Variants in QKI observed in about 807,000 individuals in gnomAD.
QKI encodes QKI, KH domain containing RNA binding.
A neutral mutation model predicts 39.0 loss-of-function variants in QKI; 10 were observed. The ratio of observed to expected loss-of-function variants is 0.26; its 90% CI spans 0.16 to 0.43. The LOEUF (loss-of-function observed/expected upper bound fraction) is 0.43. Ranked by LOEUF, QKI falls within the 20% of genes least tolerant of loss-of-function variation. The probability of loss-of-function intolerance (pLI) is 1.00; values close to 1 mark genes in which losing one functional copy is unlikely to be tolerated. For missense variants in QKI, 218 were observed against 428.0 expected, an observed-to-expected ratio of 0.51 and a Z score of 4.33; for synonymous variants, 204 against 155.4, an observed-to-expected ratio of 1.31 and a Z score of -2.33.
intron 3 of QKI, among the ~76,000 whole-genome samples, chr6:163,511,207 T>TG: frequency 6.6e-6 from 1 of 152,278 alleles, no homozygotes; most frequent in South Asian, 2.1e-4. Flanking sequence ...AAATGCAAGA[T>TG]AACAATTTAT....
At chr6:163,421,746 T>A (rs187076179) in intron 1 of QKI, among the ~76,000 whole-genome samples, 4 of 151,990 alleles carry the variant, frequency 2.6e-5, no homozygotes, top group South Asian at 2.1e-4. Flanking sequence ...TTTATTTCTT[T>A]TTTCTTTTTT....
At chr6:163,538,147 G>A (rs115150784) in intron 4 of QKI, among the ~76,000 whole-genome samples, 4,225 of 152,250 alleles carry the variant, frequency 0.028, 190 homozygotes, top group African/African-American at 0.096. Flanking sequence ...TTAATTGAAT[G>A]CCTGCTGTAG....
chr6:163,497,633 G>T (rs1778494017), intron 3 of QKI, among the ~76,000 whole-genome samples: 2 of 79,510 alleles, frequency 2.5e-5, no homozygotes, highest in African/African-American at 3.4e-5. Context: ...AGTAGATATT[G>T]TTTGTTAAAA....
intron 6 of QKI, 118 bp from the exon 7 acceptor site, chr6:163,566,603 T>C: frequency 6.5e-7 from 1 of 1,538,622 alleles, no homozygotes; most frequent in East Asian, 2.5e-5. Context: ...TTAACGTGTT[T>C]CTTAAACTTT....
At chr6:163,478,954 C>T (rs980600750) in intron 3 of QKI, 58 bp downstream of exon 3, 16 of 1,341,440 alleles carry the variant, frequency 1.2e-5, no homozygotes, top group Non-Finnish European at 1.4e-5. Context: ...ACTTTTACAT[C>T]GTAATAATAA....
intron 3 of QKI, among the ~76,000 whole-genome samples, chr6:163,493,425 A>C (rs1614795): frequency 6.6e-6 from 1 of 152,108 alleles, no homozygotes; most frequent in Non-Finnish European, 1.5e-5. Context: ...CACCGTGCCC[A>C]GCCTACAATA....
intron 2 of QKI, among the ~76,000 whole-genome samples, chr6:163,469,937 A>G (rs1253405803): frequency 6.6e-6 from 1 of 152,200 alleles, no homozygotes; most frequent in Admixed American, 6.5e-5. Context: ...TTAAAAAGCA[A>G]CTGCTCAAAA....
intron 4 of QKI, among the ~76,000 whole-genome samples, chr6:163,555,208 G>A (rs1419562296): frequency 6.6e-6 from 1 of 151,896 alleles, no homozygotes; most frequent in East Asian, 1.9e-4. Context: ...ATTCATTTTT[G>A]CAAGGCTTTG....
intron 3 of QKI, among the ~76,000 whole-genome samples, chr6:163,487,005 G>A (rs1334898348): frequency 6.6e-6 from 1 of 152,148 alleles, no homozygotes; most frequent in African/African-American, 2.4e-5. Context: ...TATGAAATAT[G>A]TTACTGCTGT....
At chr6:163,494,435 C>T (rs1735305260) in intron 3 of QKI, among the ~76,000 whole-genome samples, 1 of 152,140 alleles carries the variant, frequency 6.6e-6, no homozygotes, top group South Asian at 2.1e-4. Flanking sequence ...GGAAGTTCAC[C>T]TACTTGCTGA....
chr6:163,482,164 G>A (rs1793120966), intron 3 of QKI, among the ~76,000 whole-genome samples: 1 of 152,078 alleles, frequency 6.6e-6, no homozygotes, highest in South Asian at 2.1e-4. Flanking sequence ...CAGCTTGGGT[G>A]ACAGAACGAG....
intron 1 of QKI, among the ~76,000 whole-genome samples, chr6:163,448,565 T>C (rs1418424987): frequency 6.8e-6 from 1 of 146,156 alleles, no homozygotes; most frequent in Non-Finnish European, 1.5e-5. Context: ...CCGTGTCTAC[T>C]AAAAAAAAAA....
In QKI at chr6:163,478,773, T is replaced by C. The variant is rs1236105942; in HGVS notation, c.286-7T>C. The C allele has an allele frequency of 1.9e-6, 3 of 1,569,538 alleles. No homozygotes were observed. The highest frequency in any genetic ancestry group is 2.6e-6 in the Non-Finnish European group (3 of 1,151,836). Reference sequence around the variant, plus strand: ...AATGTATAGTGATCCTTTTTTTTTTTTCTCAGTTTAATTTTGTTGGGAGAA... The same window carrying C: ...AATGTATAGTGATCCTTTTTTTTTTCTCTCAGTTTAATTTTGTTGGGAGAA... On this transcript the variant is annotated splice_polypyrimidine_tract_variant and splice_region_variant and intron_variant, in intron 2 of 7. Coordinates refer to ENST00000361752, the MANE Select transcript of QKI (RefSeq NM_006775.3).
chr6:163,426,466 G>T lies in QKI; in HGVS notation c.142+11131G>T, dbSNP rs146711107. Among the ~76,000 whole-genome samples the T allele has an allele frequency of 1.6e-4, 24 of 152,260 alleles. No homozygotes were observed. The East Asian group carries it at 4.4e-3, about 28-fold the overall frequency. On this transcript the variant is annotated intron_variant, in intron 1 of 7. Transcript: ENST00000361752. The stretch of plus-strand genomic sequence containing the variant: ...TAAGGAAAGATTGATACCTGGATTA[G>T]AGTGGTGATAGATGGATCCTTGTAC...
chr6:163,415,284 C>G lies in QKI; in HGVS notation c.91C>G (p.Leu31Val). 6.3e-7 allele frequency: 1 copy of G among 1,595,492 alleles called. No homozygotes were observed. Among genetic ancestry groups the G allele is most frequent in the South Asian group, 1.1e-5 (1 of 90,174 alleles). The part of the protein sequence containing the change: ...LMNDKKLMSS[L>V]PNFCGIFNHL... ...GAACGACAAGAAGCTCATGAGCAGCCTGCCCAACTTCTGCGGGATCTTCAA... is the reference window on the plus strand; with the variant it reads ...GAACGACAAGAAGCTCATGAGCAGCGTGCCCAACTTCTGCGGGATCTTCAA... The change falls in exon 1 of 8, where the codon CTG becomes GTG. Residue 31 changes from leucine to valine, a missense_variant. This residue lies in a region of QKI where 40 missense variants were observed against 48.7 expected (regional missense o/e 0.82). Transcript: ENST00000361752.
intron 1 of QKI, among the ~76,000 whole-genome samples, chr6:163,418,747 T>A (rs1486441771): frequency 6.6e-6 from 1 of 152,158 alleles, no homozygotes; most frequent in Non-Finnish European, 1.5e-5. Flanking sequence ...TATATGGTTT[T>A]TAAAAAAACA....
At chr6:163,434,271 G>T (rs1340775041) in intron 1 of QKI, among the ~76,000 whole-genome samples, 8 of 152,244 alleles carry the variant, frequency 5.3e-5, no homozygotes, top group Non-Finnish European at 8.8e-5. Flanking sequence ...GAAGATGGCA[G>T]TTTCTTCTAG....
At position 163,565,907 on chromosome 6, in the gene QKI, T is replaced by C. The variant is rs575793360; in HGVS notation, c.935-814T>C. The C allele has an allele frequency of 9.9e-6, 16 of 1,612,820 alleles. No individual in the cohort carries two copies. The African/African-American group carries it at 1.6e-4, about 16-fold the overall frequency. On this transcript the variant is annotated intron_variant, in intron 6 of 7. Transcript: ENST00000361752. ...GATTGGTATTAGCATCAAGTCTTCATTGATGACTAATTTTTAATTCCCTTC... is the reference window on the plus strand; with the variant it reads ...GATTGGTATTAGCATCAAGTCTTCACTGATGACTAATTTTTAATTCCCTTC...
chr6:163,455,236 TA>T (rs773294594), intron 1 of QKI, 42 bp from the exon 2 acceptor site: 107 of 1,546,530 alleles, frequency 6.9e-5, no homozygotes, highest in Middle Eastern at 1.7e-4. Context: ...CTAGCAAGAA[TA>T]TTTTTTTTGT....
Sources: gnomAD v4.1 joint callset for allele counts (sites outside exome capture counted in the v4.1 genomes callset) on GRCh38, gnomAD v4.1.1 for gene constraint, gnomAD v4.1.1 regional missense constraint, MANE v1.5 for transcripts, NCBI Gene and HGNC (gene_info 2026-07-23, HGNC 2026-07-21) for gene names.